Variants in LARGE1 observed in about 807,000 individuals in gnomAD.
LARGE1 encodes the protein xylosyl- and glucuronyltransferase LARGE1.
LARGE1 carries 43 observed loss-of-function variants against 87.6 expected under a neutral mutation model. The observed-to-expected ratio is 0.49, with a 90% CI of 0.38 to 0.63. LARGE1 has a LOEUF of 0.63. Among genes scored for constraint, LARGE1 ranks in the 30% least tolerant of loss-of-function variants. The probability of loss-of-function intolerance (pLI) is 0.00; values close to 1 mark genes in which losing one functional copy is unlikely to be tolerated. For synonymous variants in LARGE1, 434 were observed against 394.6 expected (o/e 1.10, Z -1.18); for missense variants, 802 against 1,000.2 (o/e 0.80, Z 2.67).
chr22:33,199,497 C>T (rs1924261030), intron 11 of LARGE1, among the ~76,000 whole-genome samples: 2 of 152,206 alleles, frequency 1.3e-5, no homozygotes, highest in Non-Finnish European at 2.9e-5. Flanking sequence ...TCAGGTCTTA[C>T]ATTTAGGTTT....
chr22:33,606,538 C>A (rs986203516), intron 4 of LARGE1, among the ~76,000 whole-genome samples: 11 of 152,126 alleles, frequency 7.2e-5, no homozygotes, highest in Non-Finnish European at 1.6e-4. Flanking sequence ...CTCCCCACAC[C>A]TGTCCTATGT....
chr22:33,587,711 A>T (rs953982358), intron 5 of LARGE1, among the ~76,000 whole-genome samples: 4 of 148,214 alleles, frequency 2.7e-5, no homozygotes, highest in Admixed American at 1.4e-4. Flanking sequence ...CAATTAATCA[A>T]ATCTACTGGA....
At chr22:33,321,614 G>T (rs16992137) in intron 10 of LARGE1, among the ~76,000 whole-genome samples, 7,428 of 152,220 alleles carry the variant, frequency 0.049, 323 homozygotes, top group African/African-American at 0.13. Flanking sequence ...GAAGAATGAA[G>T]GGCTTCCAGT....
chr22:33,868,180 T>C (rs1242956206), intron 1 of LARGE1, among the ~76,000 whole-genome samples: 1 of 152,192 alleles, frequency 6.6e-6, no homozygotes, highest in Non-Finnish European at 1.5e-5. Flanking sequence ...CCTGTGCTCA[T>C]TACAGGTCTC....
intron 11 of LARGE1, among the ~76,000 whole-genome samples, chr22:33,182,897 G>C (rs60352754): frequency 0.14 from 22,051 of 152,090 alleles, 1,659 homozygotes; most frequent in East Asian, 0.21. Context: ...CATGACATTG[G>C]TCTTAGCAAT....
At chr22:33,764,775 T>A (rs1240464848) in intron 1 of LARGE1, among the ~76,000 whole-genome samples, 3 of 152,152 alleles carry the variant, frequency 2.0e-5, no homozygotes, top group Non-Finnish European at 4.4e-5. Flanking sequence ...AATAATAAAT[T>A]TTTTAAAAAC....
chr22:33,713,574 T>C (rs562916840), intron 2 of LARGE1, among the ~76,000 whole-genome samples: 44 of 149,238 alleles, frequency 2.9e-4, no homozygotes, highest in African/African-American at 1.1e-3. Context: ...TTGTAGGCTC[T>C]TTTTTTTTTC....
intron 11 of LARGE1, among the ~76,000 whole-genome samples, chr22:33,191,582 C>T (rs910125255): frequency 4.6e-5 from 7 of 152,116 alleles, no homozygotes; most frequent in Admixed American, 2.0e-4. Flanking sequence ...ATTCCTAGTC[C>T]GTGGTTTCAC....
chr22:33,663,477 C>A (rs148605262), intron 2 of LARGE1, among the ~76,000 whole-genome samples: 20 of 152,198 alleles, frequency 1.3e-4, no homozygotes, highest in African/African-American at 4.8e-4. Context: ...AGGAATGATG[C>A]GCTTGAGTGC....
At chr22:33,236,374 A>G (rs1926252595) in intron 11 of LARGE1, among the ~76,000 whole-genome samples, 1 of 152,204 alleles carries the variant, frequency 6.6e-6, no homozygotes, top group Non-Finnish European at 1.5e-5. Context: ...TTTATATCCA[A>G]AAGCAATAAT....
intron 6 of LARGE1, among the ~76,000 whole-genome samples, chr22:33,451,305 G>C (rs117031189): frequency 6.6e-6 from 1 of 151,944 alleles, no homozygotes; most frequent in African/African-American, 2.4e-5. Context: ...GTCTATATGC[G>C]CGTAGGTGAC....
At chr22:33,312,834 TTTC>T (rs1223000964) in intron 11 of LARGE1, among the ~76,000 whole-genome samples, 1 of 152,174 alleles carries the variant, frequency 6.6e-6, no homozygotes, top group Non-Finnish European at 1.5e-5. Context: ...AGTATTCCAT[TTTC>T]TTTTTACTAT....
the LARGE1 span, among the ~76,000 whole-genome samples, chr22:33,123,497 T>C: frequency 6.6e-6 from 1 of 152,204 alleles, no homozygotes; most frequent in African/African-American, 2.4e-5. Flanking sequence ...ACAGGAGTTT[T>C]GTAGTTAGTC....
At chr22:33,523,398 G>T (rs1379848971) in intron 6 of LARGE1, among the ~76,000 whole-genome samples, 3 of 152,086 alleles carry the variant, frequency 2.0e-5, no homozygotes, top group Admixed American at 2.0e-4. Context: ...CCAACAACCT[G>T]CATTTCCTCC....
At chr22:33,145,840 C>A in the LARGE1 span, among the ~76,000 whole-genome samples, 1 of 152,096 alleles carries the variant, frequency 6.6e-6, no homozygotes, top group East Asian at 1.9e-4. Context: ...TGACTGAAAC[C>A]AATAAAGACC....
chr22:33,850,505 G>A (rs1269283110), intron 1 of LARGE1, among the ~76,000 whole-genome samples: 1 of 152,096 alleles, frequency 6.6e-6, no homozygotes, highest in Non-Finnish European at 1.5e-5. Context: ...AAGTACTAAA[G>A]GAAGCAACAC....
chr22:33,384,484 T>A lies in LARGE1; in HGVS notation c.893-180A>T, dbSNP rs185325728. 8.8e-5 allele frequency among the ~76,000 whole-genome samples: 11 copies of A among 124,892 alleles called. No individual in the cohort carries two copies. In the East Asian group the frequency reaches 2.1e-3, roughly 24 times the overall value. The allele number at this position is 124,892 out of a possible 152,430, so 81.9% of individuals were successfully genotyped here. ...AAATTCTTCCAATGAGGCTCCACAG[T>A]ATGGGGCACCTGTTTTGGAGACGAA... On this transcript the variant is annotated intron_variant, in intron 7 of 14. Coordinates refer to ENST00000397394, the MANE Select transcript of LARGE1 (RefSeq NM_133642.5).
chr22:33,743,346 C>G (rs1157569468), intron 2 of LARGE1: 3 of 152,250 alleles, frequency 2.0e-5, no homozygotes, highest in Non-Finnish European at 4.4e-5. Context: ...TGTCCTGAAC[C>G]AGCCATGGAT....
chr22:33,691,257 TGAGGGAGGGAGGAGAGAGG>T (rs2082090818), intron 2 of LARGE1, among the ~76,000 whole-genome samples: 1 of 151,572 alleles, frequency 6.6e-6, no homozygotes. Flanking sequence ...ATTGACATTT[TGAGGGAGGGAGGAGAGAGG>T]GAGGGAGGGA....
Sources: gnomAD v4.1 joint callset for allele counts (sites outside exome capture counted in the v4.1 genomes callset) on GRCh38, gnomAD v4.1.1 for gene constraint, MANE v1.5 for transcripts, NCBI Gene and HGNC (gene_info 2026-07-23, HGNC 2026-07-21) for gene names.